ZNF800: variants seen among roughly 807,000 people sequenced by gnomAD.
ZNF800 encodes the protein zinc finger protein 800.
A neutral mutation model predicts 59.5 loss-of-function variants in ZNF800; 13 were observed. The ratio of observed to expected loss-of-function variants is 0.22; its 90% CI spans 0.14 to 0.35. The LOEUF is 0.35. Among genes scored for constraint, ZNF800 ranks in the 10% least tolerant of loss-of-function variants. The pLI, the probability that ZNF800 is intolerant of heterozygous loss-of-function variation, is 1.00. For synonymous variants in ZNF800, 266 were observed against 265.7 expected, an observed-to-expected ratio of 1.00 and a Z score of -0.01; for missense variants, 621 against 783.7, an observed-to-expected ratio of 0.79 and a Z score of 2.48.
rs10251622 is a variant in ZNF800, at chr7:127,386,719, C to A, written c.62-564G>T. ...GTATATAATTGAGAGAAATTTCAAACAACTTAAAAGTCTCTTAATAGTGAC... is the reference window on the plus strand; with the variant it reads ...GTATATAATTGAGAGAAATTTCAAAAAACTTAAAAGTCTCTTAATAGTGAC... On this transcript the variant is annotated intron_variant, in intron 2 of 5. Coordinates refer to ENST00000265827, the MANE Select transcript of ZNF800 (RefSeq NM_176814.5). 1.2e-3 allele frequency among the ~76,000 whole-genome samples: 189 copies of A among 152,310 alleles called. 1 individual carries two copies. The highest frequency in any genetic ancestry group is 4.4e-3 in the African/African-American group (182 of 41,570).
intron 2 of ZNF800, 132 bp from the exon 3 acceptor site, chr7:127,386,287 C>A (rs1488162789): frequency 4.3e-6 from 2 of 467,294 alleles, no homozygotes; most frequent in Admixed American, 7.5e-5. Flanking sequence ...CACACACACA[C>A]GCATATATAA....
intron 1 of ZNF800, 44 bp from the exon 2 acceptor site, chr7:127,391,659 G>A (rs935625906): frequency 2.0e-6 from 2 of 1,018,504 alleles, no homozygotes; most frequent in African/African-American, 1.6e-5. Flanking sequence ...TGAACTTCCT[G>A]GGGGGCACTG....
chr7:127,354,695 C>G (rs1800234102), intron 1 of ZNF800, among the ~76,000 whole-genome samples: 1 of 152,032 alleles, frequency 6.6e-6, no homozygotes, highest in Non-Finnish European at 1.5e-5. Flanking sequence ...TTTTTAAAAA[C>G]ATGTTATTAC....
intron 1 of ZNF800, among the ~76,000 whole-genome samples, chr7:127,352,808 C>A (rs1019995056): frequency 7.9e-5 from 12 of 152,134 alleles, no homozygotes; most frequent in Non-Finnish European, 1.2e-4. Flanking sequence ...AAGCAGTGGC[C>A]ACATCAAAGT....
intron 1 of ZNF800, chr7:127,363,273 A>T (rs1800433005): frequency 6.6e-6 from 1 of 152,080 alleles, no homozygotes; most frequent in African/African-American, 2.4e-5. Flanking sequence ...TAGAAAACGG[A>T]CCTGGAGTCA....
At chr7:127,364,511 A>G (rs10253737) in intron 1 of ZNF800, 95,147 of 151,924 alleles carry the variant, frequency 0.63, 30,222 homozygotes, top group East Asian at 0.86. Flanking sequence ...AAAACAGGGT[A>G]GTATGAGAGC....
rs144276471 is a variant in ZNF800, at chr7:127,357,846, C to CAG, written n.225-9805_225-9804dup. Among the ~76,000 whole-genome samples the CAG allele has an allele frequency of 2.9e-4, 43 of 149,214 alleles. 1 individual carries two copies. Among genetic ancestry groups the CAG allele is most frequent in the South Asian group, 6.3e-4 (3 of 4,768 alleles). On this transcript the variant is annotated intron_variant and non_coding_transcript_variant, in intron 1 of 1. Transcript: ENST00000485577. Reference sequence around the variant, plus strand: ...ATATTTTATATGGGGGTGGGGGTAACAGAGAGAGAGAGAGAGACAGCATCA... The same window carrying CAG: ...ATATTTTATATGGGGGTGGGGGTAACAGAGAGAGAGAGAGAGAGACAGCATCA...
chr7:127,388,134 T>C (rs1048976925), intron 2 of ZNF800, among the ~76,000 whole-genome samples: 7 of 152,132 alleles, frequency 4.6e-5, no homozygotes, highest in Admixed American at 3.9e-4. Flanking sequence ...ACTTAAATTA[T>C]AGGGTTGTAT....
At chr7:127,384,204 T>TA (rs1801061160) in intron 3 of ZNF800, among the ~76,000 whole-genome samples, 1 of 147,024 alleles carries the variant, frequency 6.8e-6, no homozygotes, top group Non-Finnish European at 1.5e-5. Flanking sequence ...TCAAAGCACT[T>TA]ATGACTTAAC....
intron 1 of ZNF800, among the ~76,000 whole-genome samples, chr7:127,350,852 G>T (rs1800155675): frequency 6.6e-6 from 1 of 152,174 alleles, no homozygotes; most frequent in Non-Finnish European, 1.5e-5. Flanking sequence ...CATCACAGGT[G>T]CACCAGCTGC....
intron 3 of ZNF800, among the ~76,000 whole-genome samples, chr7:127,385,661 A>G (rs1801118637): frequency 6.6e-6 from 1 of 152,138 alleles, no homozygotes; most frequent in African/African-American, 2.4e-5. Context: ...ACCTAGAACA[A>G]ATGACATCTC....
chr7:127,362,037 C>A (rs1800403433), intron 1 of ZNF800: 1 of 152,026 alleles, frequency 6.6e-6, no homozygotes, highest in Non-Finnish European at 1.5e-5. Flanking sequence ...AAAGATAAGG[C>A]CTCAGGCCTC....
chr7:127,367,575 T>C (rs1800539011), downstream of ZNF800, among the ~76,000 whole-genome samples: 1 of 152,196 alleles, frequency 6.6e-6, no homozygotes, highest in South Asian at 2.1e-4. Context: ...CCATAAATGT[T>C]CATTATTATT....
At chr7:127,386,220 TTAAAG>T (rs1312100562) in intron 2 of ZNF800, 65 bp from the exon 3 acceptor site, 1 of 983,760 alleles carries the variant, frequency 1.0e-6, no homozygotes, top group African/African-American at 1.6e-5. Context: ...TCATTTACTA[TTAAAG>T]TAAAACAATG....
At chr7:127,389,544 A>G (rs1801242712) in intron 2 of ZNF800, among the ~76,000 whole-genome samples, 1 of 152,188 alleles carries the variant, frequency 6.6e-6, no homozygotes, top group African/African-American at 2.4e-5. Context: ...CTATCACACT[A>G]CAACATATTT....
chr7:127,390,493 T>C (rs1801275951), intron 2 of ZNF800, among the ~76,000 whole-genome samples: 2 of 152,220 alleles, frequency 1.3e-5, no homozygotes, highest in Admixed American at 6.5e-5. Flanking sequence ...TTTCTTAAAA[T>C]GGAAGCTCTT....
rs745946631 is a variant in ZNF800 at position 127,373,840 on chromosome 7, T to C, written c.1496A>G (p.Gln499Arg). 3 of 1,614,182 alleles carry C rather than the reference T, an allele frequency of 1.9e-6. No homozygotes were observed. The highest frequency in any genetic ancestry group is 1.1e-5 in the South Asian group (1 of 91,084). The change falls in exon 5 of 6, where the codon CAG (glutamine) becomes CGG (arginine). Residue 499 changes from glutamine to arginine, a missense_variant. Physicochemically the swap from Gln to Arg is conservative, Grantham distance 43. Around this residue, in one of 7 missense-constraint regions of ZNF800, gnomAD observed 46 missense variants for 118.4 expected, o/e 0.39. Transcript: ENST00000265827. ...CAACTCGATGTGTTTAGTCAAGTTC[T>C]GTTTGGAAGTAAACTGACGTTTACA... ...KLCKRQFTSK[Q>R]NLTKHIELHT...
At chr7:127,386,481 TC>T (rs1801142122) in intron 2 of ZNF800, among the ~76,000 whole-genome samples, 1 of 152,204 alleles carries the variant, frequency 6.6e-6, no homozygotes, top group Non-Finnish European at 1.5e-5. Flanking sequence ...GCCTTTTTAT[TC>T]CCCTTGAAGA....
At chr7:127,380,497 T>C (rs1248142983) in intron 3 of ZNF800, among the ~76,000 whole-genome samples, 4 of 152,172 alleles carry the variant, frequency 2.6e-5, no homozygotes, top group Non-Finnish European at 5.9e-5. Flanking sequence ...ACAGAGATAA[T>C]AAAAGTTTTT....
Sources: allele counts gnomAD v4.1 joint callset (sites outside exome capture counted in the v4.1 genomes callset), GRCh38; gene constraint gnomAD v4.1.1; regional missense constraint gnomAD v4.1.1; transcripts MANE v1.5; gene names NCBI Gene and HGNC (gene_info 2026-07-23, HGNC 2026-07-21).